The following SLC39A14 variants were observed in gnomAD, a reference collection of about 807,000 sequenced individuals.
The protein encoded by SLC39A14 is solute carrier family 39 member 14.
SLC39A14 carries 19 observed loss-of-function variants against 45.5 expected under a neutral mutation model. The ratio of observed to expected loss-of-function variants is 0.42; its 90% CI spans 0.29 to 0.61. SLC39A14 has a LOEUF of 0.61. Among genes scored for constraint, SLC39A14 ranks in the 20% least tolerant of loss-of-function variants. The probability of loss-of-function intolerance (pLI) is 0.22; values close to 1 mark genes in which losing one functional copy is unlikely to be tolerated. For synonymous variants in SLC39A14, 264 were observed against 251.3 expected (o/e 1.05, Z -0.48); for missense variants, 447 against 616.5 (o/e 0.73, Z 2.91).
At chr8:22,402,427 A>G (rs540616077) in intron 1 of SLC39A14, among the ~76,000 whole-genome samples, 6 of 151,998 alleles carry the variant, frequency 3.9e-5, no homozygotes, top group Admixed American at 6.6e-5. Flanking sequence ...TATGCAGTCA[A>G]TGGTATCTTA....
intron 3 of SLC39A14, chr8:22,411,826 G>A (rs745428795): frequency 1.8e-6 from 1 of 557,346 alleles, no homozygotes; most frequent in Non-Finnish European, 3.2e-6. Context: ...TTCATCAGAT[G>A]TGAATCACTA....
At chr8:22,432,374 G>C (rs1261190358) in intron 8 of SLC39A14, among the ~76,000 whole-genome samples, 1 of 134,746 alleles carries the variant, frequency 7.4e-6, no homozygotes, top group Non-Finnish European at 1.6e-5. Context: ...ATAAAGAAAA[G>C]TGCTTCCTTC....
At chr8:22,372,587 C>T (rs1238266416) in intron 1 of SLC39A14, among the ~76,000 whole-genome samples, 1 of 152,086 alleles carries the variant, frequency 6.6e-6, no homozygotes, top group African/African-American at 2.4e-5. Flanking sequence ...AAAAATGAAG[C>T]GAAGACAAGA....
intron 1 of SLC39A14, among the ~76,000 whole-genome samples, chr8:22,373,299 T>C (rs1833034151): frequency 6.6e-6 from 1 of 152,080 alleles, no homozygotes; most frequent in African/African-American, 2.4e-5. Flanking sequence ...ATAACTATAT[T>C]TTCCAAAATA....
Position 22,380,611 on chromosome 8 carries a change from G to A in SLC39A14, c.-16+13203G>A, listed in dbSNP as rs185234112. On this transcript the variant is annotated intron_variant, in intron 1 of 8. Transcript: ENST00000381237. ...AAGATCCTCAAAAAGGGAGCAAAAAGCACCATCCCTCCCTGCAGCACCCTA... is the reference window on the plus strand; with the variant it reads ...AAGATCCTCAAAAAGGGAGCAAAAAACACCATCCCTCCCTGCAGCACCCTA... Among the ~76,000 whole-genome samples the A allele has an allele frequency of 1.7e-4, 26 of 151,814 alleles. 1 individual carries two copies. In the East Asian group the frequency reaches 4.1e-3, roughly 24 times the overall value.
At chr8:22,423,106 G>C (rs1046822438), downstream of SLC39A14, among the ~76,000 whole-genome samples, 6 of 151,980 alleles carry the variant, frequency 3.9e-5, no homozygotes, top group Non-Finnish European at 7.4e-5. Flanking sequence ...TTACAGGCTT[G>C]AGTCATTGTG....
rs753977933 is a variant in SLC39A14, at chr8:22,419,881, C to G, written c.*183C>G. 5 of 1,311,872 alleles carry G rather than the reference C, an allele frequency of 3.8e-6. No homozygotes were observed. The highest frequency in any genetic ancestry group is 4.8e-6 in the Non-Finnish European group (5 of 1,033,038). 81.3% of individuals were successfully genotyped at this position (1,311,872 alleles called of 1,614,324 possible). A position where few individuals can be genotyped will look rare whatever the true frequency, so the allele number is the denominator to read the frequency against. The stretch of plus-strand genomic sequence containing the variant: ...TGCTGTATCCTAGGAATAAGCTGCC[C>G]TGGTAACCAGTCTCTAGCTAGTGCC... On this transcript the variant is annotated 3_prime_UTR_variant, in exon 9 of 9. Transcript: ENST00000381237.
At chr8:22,428,398 C>T (rs1367804764) in intron 8 of SLC39A14, among the ~76,000 whole-genome samples, 3 of 150,432 alleles carry the variant, frequency 2.0e-5, no homozygotes, top group Non-Finnish European at 3.0e-5. Flanking sequence ...TAATGCTCAA[C>T]TTAGCTTAGT....
At position 22,420,691 on chromosome 8, in the gene SLC39A14, C is replaced by T. The variant is rs973295040; in HGVS notation, c.*993C>T. On this transcript the variant is annotated 3_prime_UTR_variant, in exon 9 of 9. Coordinates refer to ENST00000381237, the MANE Select transcript of SLC39A14 (RefSeq NM_001128431.4). ...GAAATGGGGTGCCATTTATGCTCTACTTAGACAAGGGTAATCAGAAATGGA... is the reference window on the plus strand; with the variant it reads ...GAAATGGGGTGCCATTTATGCTCTATTTAGACAAGGGTAATCAGAAATGGA... 2 of 985,280 alleles carry T rather than the reference C, an allele frequency of 2.0e-6. No homozygotes were observed. Among genetic ancestry groups the T allele is most frequent in the African/African-American group, 1.7e-5 (1 of 57,222 alleles). 61.0% of individuals were successfully genotyped at this position (985,280 alleles called of 1,614,324 possible).
chr8:22,405,017 C>T, intron 2 of SLC39A14, 37 bp downstream of exon 2: 2 of 1,592,608 alleles, frequency 1.3e-6, no homozygotes. Flanking sequence ...TCTGCTCAGC[C>T]CCGTCTCTGG....
At chr8:22,385,987 T>C (rs1833771107) in intron 1 of SLC39A14, among the ~76,000 whole-genome samples, 1 of 152,226 alleles carries the variant, frequency 6.6e-6, no homozygotes, top group Non-Finnish European at 1.5e-5. Context: ...TTGCCTAGGC[T>C]GGAGTGCAGT....
At chr8:22,396,096 G>A (rs1262622201) in intron 1 of SLC39A14, among the ~76,000 whole-genome samples, 3 of 152,078 alleles carry the variant, frequency 2.0e-5, no homozygotes, top group Non-Finnish European at 4.4e-5. Context: ...GCCAGGCACA[G>A]TGGTTTCCGC....
intron 1 of SLC39A14, among the ~76,000 whole-genome samples, chr8:22,381,005 G>T (rs903840971): frequency 1.4e-5 from 2 of 143,128 alleles, no homozygotes; most frequent in African/African-American, 2.6e-5. Flanking sequence ...ACAGAGTCTT[G>T]CTCTGTCGCC....
chr8:22,409,543 C>T (rs893864233), intron 3 of SLC39A14, among the ~76,000 whole-genome samples: 3 of 152,048 alleles, frequency 2.0e-5, no homozygotes, highest in South Asian at 2.1e-4. Flanking sequence ...CCACCACGCC[C>T]AGCTAATTTT....
At chr8:22,394,152 G>A (rs1356091669) in intron 1 of SLC39A14, among the ~76,000 whole-genome samples, 1 of 151,610 alleles carries the variant, frequency 6.6e-6, no homozygotes, top group African/African-American at 2.4e-5. Context: ...GACTACAGGC[G>A]TGCGCCACCA....
chr8:22,382,245 G>A (rs1833553807), intron 1 of SLC39A14, among the ~76,000 whole-genome samples: 1 of 152,122 alleles, frequency 6.6e-6, no homozygotes, highest in South Asian at 2.1e-4. Flanking sequence ...TCAAAGAAAT[G>A]CAGGTTAAAA....
chr8:22,423,844 A>G (rs1836335294), downstream of SLC39A14, among the ~76,000 whole-genome samples: 1 of 124,370 alleles, frequency 8.0e-6, no homozygotes, highest in Non-Finnish European at 1.7e-5. Flanking sequence ...GATAACTGTT[A>G]TCTACAGATA....
chr8:22,409,181 C>G (rs1419300780), intron 3 of SLC39A14, among the ~76,000 whole-genome samples: 1 of 152,042 alleles, frequency 6.6e-6, no homozygotes. Context: ...GCCCCTGAAT[C>G]CTTCTTCCCC....
In SLC39A14 at chr8:22,421,110, G is replaced by A. The variant is rs116267324; in HGVS notation, c.*1412G>A. 82 of 985,792 alleles carry A rather than the reference G, an allele frequency of 8.3e-5. 1 individual carries two copies. In the African/African-American group the frequency reaches 1.4e-3, roughly 17 times the overall value. 61.1% of individuals were successfully genotyped at this position (985,792 alleles called of 1,614,324 possible). ...CATATTGATAATGTGAGATTCTTTAGCCACTTTGGGGAGCCTGTCTCTCCA... is the reference window on the plus strand; with the variant it reads ...CATATTGATAATGTGAGATTCTTTAACCACTTTGGGGAGCCTGTCTCTCCA... On this transcript the variant is annotated 3_prime_UTR_variant, in exon 9 of 9. Transcript: ENST00000381237.
Sources: allele counts gnomAD v4.1 joint callset (sites outside exome capture counted in the v4.1 genomes callset), GRCh38; gene constraint gnomAD v4.1.1; transcripts MANE v1.5; gene names NCBI Gene and HGNC (gene_info 2026-07-23, HGNC 2026-07-21).